Variants in VGLL4 observed in about 807,000 individuals in gnomAD.
VGLL4 encodes the protein vestigial like family member 4.
In VGLL4, 7 loss-of-function variants were observed where a neutral mutation model predicts 21.0. That is an observed-to-expected ratio of 0.33 (90% CI 0.19 to 0.63). The LOEUF (loss-of-function observed/expected upper bound fraction) is 0.63, where lower values mean the gene tolerates loss of function less well. Among genes scored for constraint, VGLL4 ranks in the 20% least tolerant of loss-of-function variants. The pLI is 0.78. For missense variants in VGLL4, 394 were observed against 425.7 expected, an observed-to-expected ratio of 0.93 and a Z score of 0.66; for synonymous variants, 222 against 173.2, an observed-to-expected ratio of 1.28 and a Z score of -2.21.
At chr3:11,642,395 T>TA (rs941329414) in intron 1 of VGLL4, among the ~76,000 whole-genome samples, 4 of 152,122 alleles carry the variant, frequency 2.6e-5, no homozygotes, top group African/African-American at 9.7e-5. Context: ...GTTTTTAGAT[T>TA]AAAAAAATAC....
chr3:11,709,435 TAAAAA>T (rs58100629), intron 1 of VGLL4, among the ~76,000 whole-genome samples: 3 of 108,834 alleles, frequency 2.8e-5, no homozygotes, highest in African/African-American at 6.7e-5. Context: ...AGACTCCGTC[TAAAAA>T]AAAAAAAAAA....
At chr3:11,564,108 C>T (rs1559858745) in intron 3 of VGLL4, among the ~76,000 whole-genome samples, 2 of 152,194 alleles carry the variant, frequency 1.3e-5, no homozygotes, top group East Asian at 1.9e-4. Context: ...CCTGGAGATT[C>T]GGAGAGCTCA....
At chr3:11,564,411 C>CG (rs1553720524) in intron 3 of VGLL4, among the ~76,000 whole-genome samples, 1 of 151,624 alleles carries the variant, frequency 6.6e-6, no homozygotes, top group African/African-American at 2.4e-5. Context: ...TAGGACCCCC[C>CG]CACCCGAGGA....
intron 1 of VGLL4, chr3:11,610,836 A>C (rs2075047355): frequency 6.6e-6 from 1 of 152,204 alleles, no homozygotes; most frequent in Non-Finnish European, 1.5e-5. Flanking sequence ...ATCTTCTATG[A>C]GTGTGTTTTA....
chr3:11,645,113 C>T (rs943510202), upstream of VGLL4, among the ~76,000 whole-genome samples: 2 of 150,864 alleles, frequency 1.3e-5, no homozygotes, highest in African/African-American at 4.9e-5. Context: ...AGTTCAGGTG[C>T]CCAAAAACTG....
intron 2 of VGLL4, among the ~76,000 whole-genome samples, chr3:11,689,499 T>C (rs1054815243): frequency 6.6e-6 from 1 of 152,182 alleles, no homozygotes; most frequent in Non-Finnish European, 1.5e-5. Flanking sequence ...AAGATCTTTT[T>C]TCACAACAGG....
chr3:11,569,631 G>A (rs1236689510), intron 2 of VGLL4, among the ~76,000 whole-genome samples: 24 of 152,184 alleles, frequency 1.6e-4, no homozygotes, highest in Admixed American at 1.5e-3. Flanking sequence ...CAGCCCTTTC[G>A]TCCTCTCTCT....
At chr3:11,631,380 C>T (rs2075474634) in intron 1 of VGLL4, among the ~76,000 whole-genome samples, 1 of 152,164 alleles carries the variant, frequency 6.6e-6, no homozygotes, top group Admixed American at 6.5e-5. Context: ...CTTAAGTCAT[C>T]CTGATTTCCC....
intron 1 of VGLL4, among the ~76,000 whole-genome samples, chr3:11,614,843 A>T (rs565078565): frequency 1.3e-5 from 2 of 152,348 alleles, no homozygotes; most frequent in East Asian, 3.9e-4. Context: ...GCTTCAGTCA[A>T]CCTTACTGCT....
chr3:11,643,997 GAGGGCTTCTGCAC>G, upstream of VGLL4: 2 of 990,416 alleles, frequency 2.0e-6, no homozygotes, highest in Non-Finnish European at 2.4e-6. Flanking sequence ...CCGAGGCAGG[GAGGGCTTCTGCAC>G]AGGATCAGCC....
intron 1 of VGLL4, among the ~76,000 whole-genome samples, chr3:11,604,044 G>A (rs2074869893): frequency 6.6e-6 from 1 of 151,144 alleles, no homozygotes; most frequent in Non-Finnish European, 1.5e-5. Context: ...GTCTAACATC[G>A]AAAAAAATTC....
intron 2 of VGLL4, among the ~76,000 whole-genome samples, chr3:11,678,117 C>T (rs544510391): frequency 9.9e-5 from 15 of 151,928 alleles, no homozygotes; most frequent in African/African-American, 3.6e-4. Context: ...GCAGTAGCGC[C>T]ATCTCAGCTC....
chr3:11,643,812 G>C lies in VGLL4; in HGVS notation c.-294C>G. 2 of 1,100,706 alleles carry C rather than the reference G, an allele frequency of 1.8e-6. No individual in the cohort carries two copies. Among genetic ancestry groups the C allele is most frequent in the Non-Finnish European group, 1.1e-6 (1 of 903,744 alleles). 68.2% of individuals were successfully genotyped at this position (1,100,706 alleles called of 1,614,324 possible). ...TCCTTACAAGTCCTTCCTGGAAATG[G>C]AAAAGAGTGAAAAAGAGAAACGCGC... On this transcript the variant is annotated 5_prime_UTR_variant, in exon 1 of 5. Coordinates refer to ENST00000430365, the MANE Select transcript of VGLL4 (RefSeq NM_001128219.3).
At chr3:11,679,747 G>C (rs965810006) in intron 2 of VGLL4, among the ~76,000 whole-genome samples, 8 of 152,100 alleles carry the variant, frequency 5.3e-5, no homozygotes, top group African/African-American at 1.9e-4. Context: ...TTGTTCAGCT[G>C]TACAATGTGT....
At chr3:11,623,183 G>A (rs1196151527) in intron 1 of VGLL4, among the ~76,000 whole-genome samples, 1 of 152,178 alleles carries the variant, frequency 6.6e-6, no homozygotes, top group Admixed American at 6.5e-5. Context: ...GTCATCCACT[G>A]GGATCACATC....
In VGLL4 at chr3:11,556,585, G is replaced by C. The variant is rs541211040; in HGVS notation, c.*1971C>G. ...GAATAACTGTTCCTGCACTTTTACA[G>C]ACAAATCTACGACAAAAAAAAAGAT... On this transcript the variant is annotated 3_prime_UTR_variant, in exon 5 of 5. Transcript: ENST00000430365. 9 of 151,654 alleles carry C rather than the reference G, an allele frequency of 5.9e-5. No homozygotes were observed. The highest frequency in any genetic ancestry group is 1.2e-4 in the Non-Finnish European group (8 of 67,846). The allele number at this position is 151,654 out of a possible 1,614,324, so 9.4% of individuals were successfully genotyped here. A position where few individuals can be genotyped will look rare whatever the true frequency, so the allele number is the denominator to read the frequency against.
chr3:11,665,500 A>G (rs1040423938), intron 2 of VGLL4, among the ~76,000 whole-genome samples: 2 of 152,112 alleles, frequency 1.3e-5, no homozygotes, highest in Non-Finnish European at 2.9e-5. Context: ...GCAACTTCAC[A>G]CTGTGCTGCC....
intron 3 of VGLL4, among the ~76,000 whole-genome samples, chr3:11,562,544 TC>T (rs964196574): frequency 1.4e-4 from 21 of 152,304 alleles, no homozygotes; most frequent in African/African-American, 4.6e-4. Flanking sequence ...CCAACAGACT[TC>T]CAGGAAGAGA....
intron 2 of VGLL4, among the ~76,000 whole-genome samples, chr3:11,683,687 C>T (rs553413538): frequency 2.0e-5 from 3 of 151,556 alleles, no homozygotes; most frequent in South Asian, 2.1e-4. Context: ...CCAGCTACTC[C>T]GGAGGCTGAG....
Sources: allele counts gnomAD v4.1 joint callset (sites outside exome capture counted in the v4.1 genomes callset), GRCh38; gene constraint gnomAD v4.1.1; transcripts MANE v1.5; gene names NCBI Gene and HGNC (gene_info 2026-07-23, HGNC 2026-07-21).